The following CNTNAP2 variants were observed in gnomAD, a reference collection of about 807,000 sequenced individuals.
The protein encoded by CNTNAP2 is contactin-associated protein-like 2.
In CNTNAP2, 98 loss-of-function variants were observed where a neutral mutation model predicts 155.2. The observed-to-expected ratio is 0.63, with a 90% CI of 0.54 to 0.75. The LOEUF is 0.75. Ranked by LOEUF, CNTNAP2 falls within the 30% of genes least tolerant of loss-of-function variation. CNTNAP2 has a pLI of 0.00. For missense variants in CNTNAP2, 1,727 were observed against 1,688.1 expected (o/e 1.02, Z -0.40); for synonymous variants, 651 against 631.2 (o/e 1.03, Z -0.47).
At position 148,217,398 on chromosome 7, in the gene CNTNAP2, A is replaced by C; in HGVS notation, c.3121A>C (p.Asn1041His). ...SRVDNAPDQQ[N>H]SHPDLAQEEI... ...AGTAGACAACGCTCCCGACCAGCAG[A>C]ACTCCCACCCGGACCTGGCACAGGA... is the stretch of plus-strand genomic sequence containing the variant. The change falls in exon 19 of 24, where the codon AAC (asparagine) becomes CAC (histidine). Residue 1041 changes from asparagine to histidine, a missense_variant. By Grantham distance (68) the Asn-to-His change is moderately conservative. Transcript: ENST00000361727. 6.2e-7 allele frequency: 1 copy of C among 1,614,044 alleles called. No homozygotes were observed. Among genetic ancestry groups the C allele is most frequent in the Non-Finnish European group, 8.5e-7 (1 of 1,179,998 alleles).
intron 22 of CNTNAP2, among the ~76,000 whole-genome samples, chr7:148,384,385 ACTT>A (rs1034995033): frequency 3.9e-5 from 6 of 152,202 alleles, no homozygotes; most frequent in Admixed American, 1.3e-4. Flanking sequence ...ATTTAGTCCC[ACTT>A]CTTTGAGTGG....
intron 18 of CNTNAP2, among the ~76,000 whole-genome samples, chr7:148,182,049 G>A (rs890185336): frequency 3.3e-5 from 5 of 150,592 alleles, no homozygotes; most frequent in South Asian, 2.1e-4. Flanking sequence ...GAGCCACCGC[G>A]CCTGGCCAAG....
At chr7:147,154,934 A>G (rs1584760148) in intron 8 of CNTNAP2, among the ~76,000 whole-genome samples, 1 of 152,278 alleles carries the variant, frequency 6.6e-6, no homozygotes, top group East Asian at 1.9e-4. Context: ...AGGAAAGTGG[A>G]AATCACCCAG....
At chr7:147,329,159 C>T (rs960664262) in intron 9 of CNTNAP2, among the ~76,000 whole-genome samples, 1 of 151,980 alleles carries the variant, frequency 6.6e-6, no homozygotes, top group Non-Finnish European at 1.5e-5. Context: ...CACACACACA[C>T]CCACGCATAT....
At chr7:146,838,508 G>A (rs1803659075) in intron 2 of CNTNAP2, among the ~76,000 whole-genome samples, 1 of 152,070 alleles carries the variant, frequency 6.6e-6, no homozygotes, top group South Asian at 2.1e-4. Flanking sequence ...AGAGGAAATG[G>A]GGTTTCAGCA....
At position 147,043,942 on chromosome 7, in the gene CNTNAP2, C is replaced by T. The variant is rs1799305932; in HGVS notation, c.438C>T (p.Val146=). The change falls in exon 4 of 24, where the codon GTC becomes GTT. Residue 146 remains valine, a synonymous_variant. Coordinates refer to ENST00000361727, the MANE Select transcript of CNTNAP2 (RefSeq NM_014141.6). ...FPGNINSDGV[V]RHELQHPIIA... ...GAAACATTAACTCTGACGGTGTGGTCCGGCACGAATTACAGCATCCGATTA... is the reference window on the plus strand; with the variant it reads ...GAAACATTAACTCTGACGGTGTGGTTCGGCACGAATTACAGCATCCGATTA... 5 of 1,614,002 alleles carry T rather than the reference C, an allele frequency of 3.1e-6. No individual in the cohort carries two copies. Among genetic ancestry groups the T allele is most frequent in the African/African-American group, 2.7e-5 (2 of 74,910 alleles).
At chr7:147,669,903 G>A (rs374671846) in intron 13 of CNTNAP2, among the ~76,000 whole-genome samples, 7 of 152,090 alleles carry the variant, frequency 4.6e-5, no homozygotes, top group African/African-American at 1.4e-4. Context: ...ACTAACACCC[G>A]TCATCTGTTT....
At chr7:146,413,783 A>G (rs1795899483) in intron 1 of CNTNAP2, among the ~76,000 whole-genome samples, 1 of 151,950 alleles carries the variant, frequency 6.6e-6, no homozygotes, top group Non-Finnish European at 1.5e-5. Context: ...GAGAAGGGGG[A>G]CTTTCAAAAT....
At chr7:146,700,630 T>A (rs1453001253) in intron 1 of CNTNAP2, among the ~76,000 whole-genome samples, 1 of 152,092 alleles carries the variant, frequency 6.6e-6, no homozygotes, top group Non-Finnish European at 1.5e-5. Context: ...TATATCAGAA[T>A]AAGAAATCAA....
At chr7:146,224,604 A>T (rs950778797) in intron 1 of CNTNAP2, among the ~76,000 whole-genome samples, 1 of 137,160 alleles carries the variant, frequency 7.3e-6, no homozygotes, top group African/African-American at 2.7e-5. Context: ...AAAAAAAAAA[A>T]GTAGTAATAA....
intron 3 of CNTNAP2, among the ~76,000 whole-genome samples, chr7:146,940,246 G>A (rs1002615326): frequency 3.3e-5 from 5 of 150,696 alleles, no homozygotes; most frequent in Non-Finnish European, 5.9e-5. Flanking sequence ...TTGCTCTGTC[G>A]CCAGGCTGGA....
At chr7:146,895,911 G>T (rs1365175879) in intron 3 of CNTNAP2, among the ~76,000 whole-genome samples, 1 of 152,042 alleles carries the variant, frequency 6.6e-6, no homozygotes, top group Admixed American at 6.6e-5. Flanking sequence ...ATTTACTAAA[G>T]TATCTTTCTG....
chr7:147,667,160 G>C (rs1795708844), intron 13 of CNTNAP2, among the ~76,000 whole-genome samples: 1 of 152,204 alleles, frequency 6.6e-6, no homozygotes. Flanking sequence ...TACGTTATGT[G>C]AAAGTAAGTG....
intron 11 of CNTNAP2, among the ~76,000 whole-genome samples, chr7:147,517,117 T>G (rs1357365827): frequency 6.6e-6 from 1 of 151,570 alleles, no homozygotes; most frequent in Non-Finnish European, 1.5e-5. Context: ...TGATCTTCCC[T>G]CCATGACCTC....
intron 6 of CNTNAP2, among the ~76,000 whole-genome samples, chr7:147,123,062 G>A (rs1801153804): frequency 6.6e-6 from 1 of 151,876 alleles, no homozygotes; most frequent in South Asian, 2.1e-4. Flanking sequence ...AAACACTGAT[G>A]GAGACTTTAT....
intron 3 of CNTNAP2, among the ~76,000 whole-genome samples, chr7:146,993,504 G>C (rs967231263): frequency 1.3e-5 from 2 of 151,994 alleles, no homozygotes; most frequent in African/African-American, 4.8e-5. Flanking sequence ...TATCTATTGG[G>C]AGACTGCCTT....
At chr7:147,749,645 C>T (rs150546295) in intron 13 of CNTNAP2, among the ~76,000 whole-genome samples, 1,669 of 152,246 alleles carry the variant, frequency 0.011, 94 homozygotes, top group Admixed American at 0.087. Context: ...GTTTCCCCCA[C>T]AATATCTACT....
At position 147,277,172 on chromosome 7, in the gene CNTNAP2, CACTA is replaced by C. The variant is rs375560712; in HGVS notation, c.1349-22964_1349-22961del. 4.2e-4 allele frequency among the ~76,000 whole-genome samples: 64 copies of C among 152,098 alleles called. 2 individuals carry two copies. The East Asian group carries it at 0.01, about 25-fold the overall frequency. ...ATGCTTGCAATATGGTTTGAGGATT[CACTA>C]ACTATGGCTATGTACACATAATTTG... is the stretch of plus-strand genomic sequence containing the variant. On this transcript the variant is annotated intron_variant, in intron 8 of 23. Coordinates refer to ENST00000361727, the MANE Select transcript of CNTNAP2 (RefSeq NM_014141.6).
chr7:147,605,963 T>C (rs540433230), intron 12 of CNTNAP2, among the ~76,000 whole-genome samples: 1 of 151,778 alleles, frequency 6.6e-6, no homozygotes, highest in Non-Finnish European at 1.5e-5. Context: ...GTAAATAACA[T>C]GAGCCTCCTG....
Sources: allele counts gnomAD v4.1 joint callset (sites outside exome capture counted in the v4.1 genomes callset), GRCh38; gene constraint gnomAD v4.1.1; transcripts MANE v1.5; gene names NCBI Gene and HGNC (gene_info 2026-07-23, HGNC 2026-07-21).